The following RAB7A variants were observed in gnomAD, a reference collection of about 807,000 sequenced individuals.
RAB7A encodes the protein ras-related protein Rab-7a.
A neutral mutation model predicts 24.5 loss-of-function variants in RAB7A; 2 were observed. The observed-to-expected ratio is 0.08, with a 90% CI of 0.03 to 0.26. RAB7A has a LOEUF of 0.26. Among genes scored for constraint, RAB7A ranks in the 10% least tolerant of loss-of-function variants. The pLI, the probability that RAB7A is intolerant of heterozygous loss-of-function variation, is 1.00. For synonymous variants in RAB7A, 100 were observed against 95.9 expected (o/e 1.04, Z -0.25); for missense variants, 118 against 255.7 (o/e 0.46, Z 3.67).
Position 128,807,529 on chromosome 3 carries a change from G to C in RAB7A, c.400-14G>C. 6.2e-7 allele frequency: 1 copy of C among 1,613,842 alleles called. No individual in the cohort carries two copies. The highest frequency in any genetic ancestry group is 8.5e-7 in the Non-Finnish European group (1 of 1,179,984). On this transcript the variant is annotated splice_polypyrimidine_tract_variant and intron_variant, in intron 4 of 5. Transcript: ENST00000265062. ...TCTGTCATGAGCCTATGTGCACCCTGCTTCTTCTTTCAGGTGGCCACAAAG... is the reference window on the plus strand; with the variant it reads ...TCTGTCATGAGCCTATGTGCACCCTCCTTCTTCTTTCAGGTGGCCACAAAG...
At chr3:128,774,530 C>T (rs1257973047) in intron 1 of RAB7A, among the ~76,000 whole-genome samples, 3 of 151,068 alleles carry the variant, frequency 2.0e-5, no homozygotes, top group Non-Finnish European at 4.4e-5. Flanking sequence ...GGAGCAATCT[C>T]GGCTCACTGT....
At chr3:128,735,485 C>G (rs2070482463) in intron 1 of RAB7A, among the ~76,000 whole-genome samples, 2 of 152,164 alleles carry the variant, frequency 1.3e-5, no homozygotes, top group South Asian at 4.1e-4. Flanking sequence ...AGATAGTACC[C>G]CAGTTATGGG....
intron 1 of RAB7A, among the ~76,000 whole-genome samples, chr3:128,734,060 G>T (rs2070465591): frequency 1.3e-5 from 2 of 152,126 alleles, no homozygotes; most frequent in South Asian, 4.1e-4. Flanking sequence ...AAGGGACTGG[G>T]GAAGGTTATC....
At chr3:128,806,910 A>G (rs1347539934) in intron 4 of RAB7A, among the ~76,000 whole-genome samples, 3 of 152,256 alleles carry the variant, frequency 2.0e-5, no homozygotes, top group African/African-American at 7.2e-5. Flanking sequence ...CCTCCAGGCC[A>G]TGCCTGGATC....
rs56027163 is a variant in RAB7A, at chr3:128,737,825, GTTTTTTTTTTTTTTTT to G, written c.-9+11483_-9+11498del. Among the ~76,000 whole-genome samples the G allele has an allele frequency of 6.3e-3, 372 of 59,506 alleles. 5 individuals are homozygous for G. The highest frequency in any genetic ancestry group is 0.021 in the African/African-American group (330 of 15,826). The allele number at this position is 59,506 out of a possible 152,430, so 39.0% of individuals were successfully genotyped here. A position where few individuals can be genotyped will look rare whatever the true frequency, so the allele number is the denominator to read the frequency against. On this transcript the variant is annotated intron_variant, in intron 1 of 5. Coordinates refer to ENST00000265062, the MANE Select transcript of RAB7A (RefSeq NM_004637.6). Reference sequence around the variant, plus strand: ...CACCACATCTGGCTATTTTTTTGTAGTTTTTTTTTTTTTTTTTTTTTTTTTTTTTTTTAAGAGATAG... The same window carrying G: ...CACCACATCTGGCTATTTTTTTGTAGTTTTTTTTTTTTTTTTAAGAGATAG...
At position 128,813,686 on chromosome 3, in the gene RAB7A, A is replaced by C. The variant is rs114778883; in HGVS notation, c.*264A>C. 4.9e-4 allele frequency: 254 copies of C among 514,602 alleles called. No homozygotes were observed. The highest frequency in any genetic ancestry group is 3.9e-3 in the African/African-American group (203 of 52,070). The allele number at this position is 514,602 out of a possible 1,614,324, so 31.9% of individuals were successfully genotyped here. A position where few individuals can be genotyped will look rare whatever the true frequency, so the allele number is the denominator to read the frequency against. The stretch of plus-strand genomic sequence containing the variant: ...CCTTGGGGTCTGCCTGCCCACCCAC[A>C]TGAGCCCGCGAGTATGGCAGCAGGA... On this transcript the variant is annotated 3_prime_UTR_variant, in exon 6 of 6. Transcript: ENST00000265062.
chr3:128,809,367 G>A (rs937529033), intron 5 of RAB7A, among the ~76,000 whole-genome samples: 4 of 152,158 alleles, frequency 2.6e-5, no homozygotes, highest in Non-Finnish European at 2.9e-5. Flanking sequence ...TGACATTGCC[G>A]ATCTTTGGGT....
intron 1 of RAB7A, among the ~76,000 whole-genome samples, chr3:128,762,948 A>T (rs1450959383): frequency 7.2e-5 from 11 of 152,046 alleles, no homozygotes; most frequent in African/African-American, 2.7e-4. Context: ...CTACAAAGTA[A>T]ATTAGACCTC....
chr3:128,753,123 TAGTG>T (rs2070702442), intron 1 of RAB7A, among the ~76,000 whole-genome samples: 1 of 152,128 alleles, frequency 6.6e-6, no homozygotes, highest in Non-Finnish European at 1.5e-5. Flanking sequence ...GAACACAAGT[TAGTG>T]GGTGGATGTA....
chr3:128,759,705 G>T (rs189802546), intron 1 of RAB7A, among the ~76,000 whole-genome samples: 2 of 152,106 alleles, frequency 1.3e-5, no homozygotes, highest in East Asian at 3.9e-4. Context: ...GCCCGTGTAT[G>T]ATGGTGACTT....
chr3:128,794,576 C>T (rs1202841828), intron 1 of RAB7A, among the ~76,000 whole-genome samples: 2 of 151,890 alleles, frequency 1.3e-5, no homozygotes, highest in Non-Finnish European at 2.9e-5. Context: ...TTCTGGAAGT[C>T]ACTGAGTCAT....
chr3:128,743,050 G>A (rs1367832902), intron 1 of RAB7A, among the ~76,000 whole-genome samples: 3 of 152,244 alleles, frequency 2.0e-5, no homozygotes, highest in African/African-American at 7.2e-5. Context: ...CGGGCTGCAG[G>A]TCCAGAGCCC....
intron 1 of RAB7A, among the ~76,000 whole-genome samples, chr3:128,767,665 A>G (rs1431012047): frequency 1.3e-5 from 2 of 152,142 alleles, no homozygotes; most frequent in Non-Finnish European, 2.9e-5. Context: ...GTGAGTGGAA[A>G]GTTTCTGTCT....
chr3:128,747,468 A>C (rs1437931461), intron 1 of RAB7A, among the ~76,000 whole-genome samples: 1 of 151,338 alleles, frequency 6.6e-6, no homozygotes, highest in African/African-American at 2.5e-5. Context: ...TGCCTGTAAT[A>C]CCAGCTACTT....
At chr3:128,798,890 G>T in intron 3 of RAB7A, 2 of 298,322 alleles carry the variant, frequency 6.7e-6, no homozygotes, top group South Asian at 3.3e-5. Context: ...CTTTCTTCAT[G>T]GTCCATGATG....
chr3:128,774,296 G>A (rs1266052576), intron 1 of RAB7A, among the ~76,000 whole-genome samples: 3 of 150,578 alleles, frequency 2.0e-5, no homozygotes, highest in African/African-American at 7.3e-5. Context: ...CCTTTCTAAT[G>A]TCAGCAAGAG....
chr3:128,773,357 C>T lies in RAB7A; in HGVS notation c.-8-22003C>T, dbSNP rs543844466. 3.3e-3 allele frequency among the ~76,000 whole-genome samples: 502 copies of T among 151,932 alleles called. 4 individuals carry two copies. Among genetic ancestry groups the T allele is most frequent in the African/African-American group, 0.011 (475 of 41,330 alleles). On this transcript the variant is annotated intron_variant, in intron 1 of 5. Coordinates refer to ENST00000265062, the MANE Select transcript of RAB7A (RefSeq NM_004637.6). ...CTGAGAAGTGAGGAGCCCCTCCACC[C>T]GGCAGCCGCCCCGTCTGAGAAGTGA...
At chr3:128,728,232 G>T (rs1247902583) in intron 1 of RAB7A, among the ~76,000 whole-genome samples, 2 of 152,176 alleles carry the variant, frequency 1.3e-5, no homozygotes, top group East Asian at 3.8e-4. Context: ...AGAACTTGAG[G>T]CTTTTTGGAA....
At chr3:128,744,913 G>A (rs540246736) in intron 1 of RAB7A, among the ~76,000 whole-genome samples, 1 of 123,746 alleles carries the variant, frequency 8.1e-6, no homozygotes, top group African/African-American at 3.2e-5. Context: ...TCGCTCTGTT[G>A]CCCAGGCTGG....
Sources: gnomAD v4.1 joint callset for allele counts (sites outside exome capture counted in the v4.1 genomes callset) on GRCh38, gnomAD v4.1.1 for gene constraint, MANE v1.5 for transcripts, NCBI Gene and HGNC (gene_info 2026-07-23, HGNC 2026-07-21) for gene names.